Variants in ABCF1 observed in about 807,000 individuals in gnomAD.
ABCF1 encodes ATP-binding cassette sub-family F member 1.
Under a neutral mutation model 126.3 loss-of-function variants are expected in ABCF1, and 73 were observed. The ratio of observed to expected loss-of-function variants is 0.58; its 90% CI spans 0.48 to 0.70. The LOEUF is 0.70. Among genes scored for constraint, ABCF1 ranks in the 30% least tolerant of loss-of-function variants. ABCF1 has a pLI of 0.00. For synonymous variants in ABCF1, 345 were observed against 396.4 expected, an observed-to-expected ratio of 0.87 and a Z score of 1.54; for missense variants, 786 against 1,057.5, an observed-to-expected ratio of 0.74 and a Z score of 3.56.
intron 1 of ABCF1, among the ~76,000 whole-genome samples, chr6:30,575,879 G>C (rs1801469394): frequency 6.6e-6 from 1 of 152,042 alleles, no homozygotes; most frequent in African/African-American, 2.4e-5. Context: ...GGATTAGCCT[G>C]AGCAACATAG....
At chr6:30,575,071 C>CTTTTTTT (rs958476559) in intron 1 of ABCF1, among the ~76,000 whole-genome samples, 1 of 129,808 alleles carries the variant, frequency 7.7e-6, no homozygotes, top group Non-Finnish European at 1.7e-5. Context: ...GACTTTTTTT[C>CTTTTTTT]TTTTTTTTTT....
intron 15 of ABCF1, 75 bp from the exon 16 acceptor site, chr6:30,585,483 G>A (rs753412211): frequency 5.4e-5 from 86 of 1,599,846 alleles, no homozygotes; most frequent in Admixed American, 8.4e-5. Context: ...CCCAGCCCCC[G>A]TTGTCTGCCT....
intron 1 of ABCF1, among the ~76,000 whole-genome samples, chr6:30,573,080 G>A (rs1307705982): frequency 6.6e-6 from 1 of 152,228 alleles, no homozygotes; most frequent in Non-Finnish European, 1.5e-5. Context: ...GAGCAATGGA[G>A]AATGAATGGC....
chr6:30,589,879 G>A lies in ABCF1; in HGVS notation c.2138G>A (p.Arg713Gln), dbSNP rs759928265. ...GAGACGCCCACTGAGTACCTGCAGC[G>A]GGGCTTCAACCTGCCCTACCAGGAT... ...MEETPTEYLQRGFNLPYQDAR... is the reference protein window; with the variant it reads ...MEETPTEYLQQGFNLPYQDAR... Residue 713 changes from arginine (R) to glutamine (Q), a missense_variant, in exon 22 of 25, where the codon CGG becomes CAG. Physicochemically the swap from Arg to Gln is conservative, Grantham distance 43. This residue lies in a region of ABCF1 where 288 missense variants were observed against 423.5 expected (regional missense o/e 0.68). Coordinates refer to ENST00000326195, the MANE Select transcript of ABCF1 (RefSeq NM_001025091.2). The A allele has an allele frequency of 2.7e-5, 44 of 1,614,066 alleles. No homozygotes were observed. The highest frequency in any genetic ancestry group is 2.0e-4 in the African/African-American group (15 of 74,934).
chr6:30,574,510 A>G lies in ABCF1; in HGVS notation c.74-2899A>G, dbSNP rs993919628. ...TGGGGAGAAATTAGTGTCTGGGATG[A>G]GTCAGTCATCTGTGTTGATAAGGTG... is the stretch of plus-strand genomic sequence containing the variant. On this transcript the variant is annotated intron_variant, in intron 1 of 24. Transcript: ENST00000326195. This position sits in a 1 kb window ranked among gnomAD's most constrained non-coding sequence, Gnocchi z 4.3. Among the ~76,000 whole-genome samples, 1 of 152,166 alleles carries G rather than the reference A, an allele frequency of 6.6e-6. No individual in the cohort carries two copies. Among genetic ancestry groups the G allele is most frequent in the Non-Finnish European group, 1.5e-5 (1 of 68,020 alleles).
At chr6:30,578,648 C>G in intron 6 of ABCF1, 71 bp downstream of exon 6, 1 of 1,273,840 alleles carries the variant, frequency 7.9e-7, no homozygotes, top group East Asian at 2.5e-5. Flanking sequence ...AGTAATTTCC[C>G]GCTTTTAAAC....
At chr6:30,578,672 T>C (rs1018334469) in intron 6 of ABCF1, 95 bp downstream of exon 6, 25 of 1,089,170 alleles carry the variant, frequency 2.3e-5, no homozygotes, top group Non-Finnish European at 3.0e-5. Flanking sequence ...CTCTTCTCGG[T>C]CTGTCTTACT....
Position 30,577,847 on chromosome 6 carries a change from A to G in ABCF1, c.150A>G (p.Lys50=). The G allele has an allele frequency of 1.2e-6, 2 of 1,613,966 alleles. No homozygotes were observed. Among genetic ancestry groups the G allele is most frequent in the Non-Finnish European group, 1.7e-6 (2 of 1,180,014 alleles). Residue 50 remains lysine, a synonymous_variant, in exon 3 of 25, where the codon AAA becomes AAG. Coordinates refer to ENST00000326195, the MANE Select transcript of ABCF1 (RefSeq NM_001025091.2). ...TFFEELAVED[K]QAGEEEKVLK... is the part of the protein sequence containing the mutation. ...TTGAAGAGCTGGCAGTAGAAGATAA[A>G]CAGGCTGGGGAAGAAGAGAAAGTGC...
chr6:30,589,552 G>A (rs562560808), intron 20 of ABCF1, 136 bp from the exon 21 acceptor site: 33 of 985,500 alleles, frequency 3.3e-5, no homozygotes, highest in Admixed American at 1.8e-4. Context: ...GCAGTGAGCC[G>A]AGATCGCGCC....
intron 6 of ABCF1, among the ~76,000 whole-genome samples, chr6:30,579,145 T>C (rs1357858919): frequency 1.3e-5 from 2 of 152,172 alleles, no homozygotes; most frequent in East Asian, 1.9e-4. Context: ...TCTTAGTCCA[T>C]GTCCATTTGA....
intron 8 of ABCF1, among the ~76,000 whole-genome samples, chr6:30,581,324 T>C (rs1416114993): frequency 6.6e-6 from 1 of 150,388 alleles, no homozygotes; most frequent in Non-Finnish European, 1.5e-5. Context: ...ATCTCTAGGG[T>C]CCCTATGCGT....
Position 30,585,947 on chromosome 6 carries a change from A to G in ABCF1, c.1669A>G (p.Lys557Glu). Residue 557 changes from lysine to glutamate, a missense_variant, in exon 17 of 25, where the codon AAG (lysine) becomes GAG (glutamate). Transcript: ENST00000326195. ...GAAACAGTATGAGAAGCAAGAGAAA[A>G]AGCTGAAGGAGCTGAAGGCAGGCGG... Reference protein sequence around the residue: ...LLKQYEKQEKKLKELKAGGKS... With the variant: ...LLKQYEKQEKELKELKAGGKS... 1.2e-6 allele frequency: 2 copies of G among 1,611,216 alleles called. No individual in the cohort carries two copies. Among genetic ancestry groups the G allele is most frequent in the Non-Finnish European group, 8.5e-7 (1 of 1,178,840 alleles).
intron 20 of ABCF1, among the ~76,000 whole-genome samples, chr6:30,588,683 T>C (rs1802282824): frequency 6.6e-6 from 1 of 151,968 alleles, no homozygotes; most frequent in African/African-American, 2.4e-5. Context: ...ATTTGAACTT[T>C]TGTAATATAT....
chr6:30,578,212 C>A lies in ABCF1; in HGVS notation c.343+10C>A. 1 of 1,613,786 alleles carries A rather than the reference C, an allele frequency of 6.2e-7. No individual in the cohort carries two copies. The highest frequency in any genetic ancestry group is 8.5e-7 in the Non-Finnish European group (1 of 1,179,908). On this transcript the variant is annotated intron_variant, in intron 4 of 24. Coordinates refer to ENST00000326195, the MANE Select transcript of ABCF1 (RefSeq NM_001025091.2). ...GATGAGGAGGATGAAGGTAAATGACCTGAGGGGGAATGGGTACCTGGAATC... is the reference window on the plus strand; with the variant it reads ...GATGAGGAGGATGAAGGTAAATGACATGAGGGGGAATGGGTACCTGGAATC...
In ABCF1 at chr6:30,578,374, A is replaced by G. The variant is rs549377628; in HGVS notation, c.370A>G (p.Lys124Glu). Residue 124 changes from lysine (K) to glutamate (E), a missense_variant, in exon 5 of 25, where the codon AAG becomes GAG. By Grantham distance (56) the Lys-to-Glu change is moderately conservative (BLOSUM62 1). Around this residue, in one of 4 missense-constraint regions of ABCF1, gnomAD observed 322 missense variants for 322.9 expected, o/e 1.00. Transcript: ENST00000326195. ...EVPAPKPRGGKKTKGGNVFAA... is the reference protein window; with the variant it reads ...EVPAPKPRGGEKTKGGNVFAA... ...ACCCGCCCCAAAACCCCGCGGAGGGAAGAAAACCAAGGTAAGCCATCTGTG... is the reference window on the plus strand; with the variant it reads ...ACCCGCCCCAAAACCCCGCGGAGGGGAGAAAACCAAGGTAAGCCATCTGTG... 1.9e-5 allele frequency: 30 copies of G among 1,614,056 alleles called. No homozygotes were observed. In the Admixed American group the frequency reaches 4.0e-4, roughly 22 times the overall value.
At position 30,576,276 on chromosome 6, in the gene ABCF1, C is replaced by CTTTTTTTTTTTTTT. The variant is rs9256927; in HGVS notation, c.74-1117_74-1104dup. On this transcript the variant is annotated intron_variant, in intron 1 of 24. Coordinates refer to ENST00000326195, the MANE Select transcript of ABCF1 (RefSeq NM_001025091.2). ...AACACAGGAGTCATCTCTGAGTGCT[C>CTTTTTTTTTTTTTT]TTTTTTTTTTTTTTTTTTTTTTTTT... Among the ~76,000 whole-genome samples the CTTTTTTTTTTTTTT allele has an allele frequency of 2.3e-4, 10 of 44,160 alleles. 4 individuals carry two copies. Among genetic ancestry groups the CTTTTTTTTTTTTTT allele is most frequent in the Non-Finnish European group, 3.1e-4 (8 of 25,670 alleles). 29.0% of individuals were successfully genotyped at this position (44,160 alleles called of 152,430 possible). A position where few individuals can be genotyped will look rare whatever the true frequency, so the allele number is the denominator to read the frequency against.
intron 1 of ABCF1, among the ~76,000 whole-genome samples, chr6:30,576,612 T>C (rs1801517021): frequency 6.6e-6 from 1 of 151,986 alleles, no homozygotes; most frequent in African/African-American, 2.4e-5. Flanking sequence ...TCCCCACCTC[T>C]AGCCCCATCC....
chr6:30,586,566 C>T lies in ABCF1; in HGVS notation c.1960+18C>T, dbSNP rs767274306. 4 of 1,613,258 alleles carry T rather than the reference C, an allele frequency of 2.5e-6. No individual in the cohort carries two copies. In the Admixed American group the frequency reaches 6.7e-5, roughly 27 times the overall value. ...TTCAAGGAGTGAGTTGGCGGGGTTGCCTCAGGGATGTGTAGCAGGAGCCAC... is the reference window on the plus strand; with the variant it reads ...TTCAAGGAGTGAGTTGGCGGGGTTGTCTCAGGGATGTGTAGCAGGAGCCAC... On this transcript the variant is annotated intron_variant, in intron 19 of 24. Transcript: ENST00000326195. This position sits in a 1 kb window ranked among gnomAD's most constrained non-coding sequence, Gnocchi z 4.9.
chr6:30,578,677 C>T, intron 6 of ABCF1, 100 bp downstream of exon 6: 1 of 1,025,704 alleles, frequency 9.7e-7, no homozygotes, highest in Non-Finnish European at 1.5e-6. Context: ...CTCGGTCTGT[C>T]TTACTTATAC....
Sources: gnomAD v4.1 joint callset for allele counts (sites outside exome capture counted in the v4.1 genomes callset) on GRCh38, gnomAD v4.1.1 for gene constraint, gnomAD v4.1.1 regional missense constraint, Gnocchi (gnomAD v3.1) non-coding constraint, MANE v1.5 for transcripts, NCBI Gene and HGNC (gene_info 2026-07-23, HGNC 2026-07-21) for gene names.